Variants in NBAS observed in about 807,000 individuals in gnomAD.
The protein encoded by NBAS is NAG/BC035112 fusion.
A neutral mutation model predicts 302.5 loss-of-function variants in NBAS; 219 were observed. That is an observed-to-expected ratio of 0.72 (90% CI 0.65 to 0.81). The LOEUF (loss-of-function observed/expected upper bound fraction) is 0.81. Ranked by LOEUF, NBAS falls within the 30% of genes least tolerant of loss-of-function variation. NBAS has a pLI of 0.00. For missense variants in NBAS, 2,932 were observed against 2,841.6 expected (o/e 1.03, Z -0.72); for synonymous variants, 1,118 against 1,021.6 (o/e 1.09, Z -1.80).
At chr2:14,944,171 G>A in the NBAS span, among the ~76,000 whole-genome samples, 3 of 152,098 alleles carry the variant, frequency 2.0e-5, no homozygotes, top group African/African-American at 7.2e-5. Flanking sequence ...ATGGTGGCGG[G>A]CGCCTGTAGT....
chr2:14,899,607 AG>A, the NBAS span, among the ~76,000 whole-genome samples: 2 of 152,234 alleles, frequency 1.3e-5, no homozygotes, highest in African/African-American at 4.8e-5. Flanking sequence ...CTGATTTTAC[AG>A]TCTAATATTT....
At chr2:15,036,571 C>A in the NBAS span, among the ~76,000 whole-genome samples, 3 of 152,132 alleles carry the variant, frequency 2.0e-5, no homozygotes, top group Non-Finnish European at 4.4e-5. Flanking sequence ...GTTCTTTGTA[C>A]AAGGAGCTAC....
At chr2:15,195,133 T>C (rs1193397698) in intron 48 of NBAS, among the ~76,000 whole-genome samples, 1 of 152,190 alleles carries the variant, frequency 6.6e-6, no homozygotes, top group Non-Finnish European at 1.5e-5. Flanking sequence ...TTTACATGTA[T>C]AGAATCTGCT....
At chr2:15,215,480 G>A (rs888126343) in intron 48 of NBAS, among the ~76,000 whole-genome samples, 3 of 152,182 alleles carry the variant, frequency 2.0e-5, no homozygotes, top group African/African-American at 4.8e-5. Flanking sequence ...CACAGTGAAA[G>A]TAGCAGTCAC....
the NBAS span, among the ~76,000 whole-genome samples, chr2:14,859,179 TGAA>T: frequency 6.6e-6 from 1 of 151,884 alleles, no homozygotes; most frequent in Admixed American, 6.6e-5. Flanking sequence ...TGAAAGGAGT[TGAA>T]GAAGATTCAA....
At chr2:15,189,949 G>A (rs1239534619) in intron 49 of NBAS, among the ~76,000 whole-genome samples, 1 of 152,162 alleles carries the variant, frequency 6.6e-6, no homozygotes, top group East Asian at 1.9e-4. Context: ...AGTTGGCACT[G>A]TAAGCCGTGT....
At chr2:15,413,984 C>T (rs1467656330) in intron 25 of NBAS, among the ~76,000 whole-genome samples, 2 of 152,162 alleles carry the variant, frequency 1.3e-5, no homozygotes, top group Admixed American at 1.3e-4. Context: ...AAGTATAACA[C>T]ACAAGATTAC....
intron 38 of NBAS, among the ~76,000 whole-genome samples, chr2:15,323,710 C>T (rs1671927811): frequency 2.0e-5 from 3 of 151,900 alleles, no homozygotes; most frequent in Admixed American, 2.0e-4. Context: ...TGGTGCGCAC[C>T]TGTAGTTTCA....
At chr2:15,512,091 T>TTCC (rs1662171093) in intron 9 of NBAS, among the ~76,000 whole-genome samples, 1 of 152,206 alleles carries the variant, frequency 6.6e-6, no homozygotes, top group Admixed American at 6.5e-5. Flanking sequence ...AGTCTGACAG[T>TTCC]TCCGTTTACC....
chr2:15,214,958 G>A (rs760240824), intron 48 of NBAS, among the ~76,000 whole-genome samples: 1 of 152,038 alleles, frequency 6.6e-6, no homozygotes, highest in African/African-American at 2.4e-5. Flanking sequence ...TAAGCCACAT[G>A]TTCTTTTTTA....
the NBAS span, among the ~76,000 whole-genome samples, chr2:15,036,543 C>T: frequency 1.5e-4 from 23 of 152,274 alleles, no homozygotes; most frequent in African/African-American, 4.6e-4. Context: ...TTAACACTCC[C>T]GAGTTCTGAT....
chr2:15,291,864 A>C (rs913099587), intron 41 of NBAS, among the ~76,000 whole-genome samples: 15 of 152,150 alleles, frequency 9.9e-5, no homozygotes, highest in Admixed American at 7.9e-4. Context: ...TTCGCCCCTG[A>C]TCACATGTTA....
chr2:14,849,965 G>A, the NBAS span, among the ~76,000 whole-genome samples: 56 of 139,082 alleles, frequency 4.0e-4, 11 homozygotes, highest in African/African-American at 1.5e-3. Flanking sequence ...GGTACGAGCC[G>A]CTGCAAAATC....
the NBAS span, among the ~76,000 whole-genome samples, chr2:15,029,948 A>G: frequency 2.6e-5 from 4 of 152,228 alleles, no homozygotes; most frequent in African/African-American, 9.6e-5. Flanking sequence ...GTTTTCTCAA[A>G]TAAGAGCTGA....
intron 50 of NBAS, chr2:15,180,031 T>G (rs1332223867): frequency 6.6e-6 from 1 of 152,332 alleles, no homozygotes; most frequent in East Asian, 1.9e-4. Context: ...AGGGTTGCTC[T>G]AAAGAACTGA....
chr2:15,482,783 T>A (rs755135169), intron 12 of NBAS, among the ~76,000 whole-genome samples: 1 of 152,174 alleles, frequency 6.6e-6, no homozygotes, highest in Admixed American at 6.5e-5. Flanking sequence ...ACATCTTCCA[T>A]TCCAAATTCA....
chr2:15,323,090 T>A (rs1671896272), intron 38 of NBAS, among the ~76,000 whole-genome samples: 1 of 152,168 alleles, frequency 6.6e-6, no homozygotes, highest in Admixed American at 6.5e-5. Context: ...AAAATCAGAT[T>A]GTCAGAAAAT....
At chr2:14,779,219 A>T in the NBAS span, among the ~76,000 whole-genome samples, 1 of 152,178 alleles carries the variant, frequency 6.6e-6, no homozygotes, top group African/African-American at 2.4e-5. Context: ...ACAAGATCAC[A>T]TGTCTCATAT....
the NBAS span, among the ~76,000 whole-genome samples, chr2:14,876,925 A>G: frequency 1.3e-5 from 2 of 152,182 alleles, no homozygotes; most frequent in East Asian, 3.9e-4. Flanking sequence ...ACCTCATTGG[A>G]ATCAGGGAAT....
Sources: allele counts gnomAD v4.1 joint callset (sites outside exome capture counted in the v4.1 genomes callset), GRCh38; gene constraint gnomAD v4.1.1; transcripts MANE v1.5; gene names NCBI Gene and HGNC (gene_info 2026-07-23, HGNC 2026-07-21).